SPIN1: variants seen among roughly 807,000 people sequenced by gnomAD.
The protein encoded by SPIN1 is spindlin-1.
Under a neutral mutation model 26.0 loss-of-function variants are expected in SPIN1, and 3 were observed. That is an observed-to-expected ratio of 0.12 (90% CI 0.05 to 0.30). The LOEUF is 0.30. Ranked by LOEUF, SPIN1 falls within the 10% of genes least tolerant of loss-of-function variation. The pLI, the probability that SPIN1 is intolerant of heterozygous loss-of-function variation, is 1.00. For missense variants in SPIN1, 126 were observed against 333.4 expected (o/e 0.38, Z 4.84); for synonymous variants, 101 against 116.5 (o/e 0.87, Z 0.86).
At chr9:88,419,729 T>C (rs1827636734) in intron 1 of SPIN1, among the ~76,000 whole-genome samples, 1 of 152,180 alleles carries the variant, frequency 6.6e-6, no homozygotes, top group Non-Finnish European at 1.5e-5. Flanking sequence ...AAAAATACTT[T>C]GCCATGTTCA....
intron 1 of SPIN1, among the ~76,000 whole-genome samples, chr9:88,390,674 C>T (rs1006889531): frequency 2.0e-5 from 3 of 152,244 alleles, no homozygotes; most frequent in Admixed American, 6.5e-5. Flanking sequence ...AGAGAATCAA[C>T]TATTTCGTGC....
chr9:88,454,346 A>G (rs796769788), intron 3 of SPIN1, among the ~76,000 whole-genome samples: 20 of 152,320 alleles, frequency 1.3e-4, no homozygotes, highest in African/African-American at 4.6e-4. Context: ...ACTTTTCTCT[A>G]TTTGGGATAT....
At chr9:88,408,499 G>C (rs74830016) in intron 1 of SPIN1, among the ~76,000 whole-genome samples, 28,639 of 147,868 alleles carry the variant, frequency 0.19, 3,596 homozygotes, top group African/African-American at 0.37. Flanking sequence ...GCCACAACCT[G>C]CCAAGTAGCT....
At chr9:88,406,500 G>A (rs1321222595) in intron 1 of SPIN1, among the ~76,000 whole-genome samples, 1 of 151,782 alleles carries the variant, frequency 6.6e-6, no homozygotes, top group Non-Finnish European at 1.5e-5. Flanking sequence ...CACCGTGTTA[G>A]CCAGCATGGT....
intron 1 of SPIN1, among the ~76,000 whole-genome samples, chr9:88,395,945 G>T (rs975878253): frequency 3.9e-5 from 6 of 152,030 alleles, no homozygotes; most frequent in African/African-American, 1.4e-4. Flanking sequence ...TACTCGGGAG[G>T]CTGAGGCAAG....
intron 1 of SPIN1, chr9:88,418,644 C>T (rs922445704): frequency 3.3e-5 from 5 of 152,154 alleles, no homozygotes; most frequent in African/African-American, 1.2e-4. Context: ...ACTCTGTTTC[C>T]TGAGAATTAC....
intron 1 of SPIN1, among the ~76,000 whole-genome samples, chr9:88,394,741 ATAAT>A (rs1483861771): frequency 6.7e-6 from 1 of 148,398 alleles, no homozygotes; most frequent in Non-Finnish European, 1.5e-5. Context: ...TATATGTTTG[ATAAT>A]TAATTTGGGT....
At position 88,458,572 on chromosome 9, in the gene SPIN1, G is replaced by A. The variant is rs552724921; in HGVS notation, c.102-3924G>A. On this transcript the variant is annotated intron_variant, in intron 3 of 5. Coordinates refer to ENST00000375859, the MANE Select transcript of SPIN1 (RefSeq NM_006717.3). ...TTACAGAGGAATGCTGCTAACAGGT[G>A]TGGGAGGGAGCAGCGACAACGAAAA... is the stretch of plus-strand genomic sequence containing the variant. Among the ~76,000 whole-genome samples the A allele has an allele frequency of 7.9e-5, 12 of 152,290 alleles. No individual in the cohort carries two copies. In the South Asian group the frequency reaches 2.5e-3, roughly 32 times the overall value.
chr9:88,393,843 G>A (rs1293635025), intron 1 of SPIN1, among the ~76,000 whole-genome samples: 1 of 151,376 alleles, frequency 6.6e-6, no homozygotes, highest in African/African-American at 2.4e-5. Context: ...TGTATCCAAT[G>A]TGTGTTTTTG....
chr9:88,445,129 T>C lies in SPIN1; in HGVS notation c.53-3812T>C, dbSNP rs192463611. 2.6e-3 allele frequency among the ~76,000 whole-genome samples: 403 copies of C among 152,316 alleles called. 2 individuals are homozygous for C. The highest frequency in any genetic ancestry group is 0.014 in the Middle Eastern group (4 of 294). ...ACTGAGTACATCCAGTGTGGGGTTG[T>C]GTGTAAGTTGGGGATTGAAAAGGGT... On this transcript the variant is annotated intron_variant, in intron 2 of 5. Transcript: ENST00000375859.
intron 2 of SPIN1, among the ~76,000 whole-genome samples, chr9:88,431,861 C>CTGT (rs1288004661): frequency 1.3e-5 from 2 of 151,942 alleles, no homozygotes; most frequent in African/African-American, 4.8e-5. Context: ...ACTGCCTGGG[C>CTGT]AACATGGTGA....
intron 4 of SPIN1, 66 bp downstream of exon 4, chr9:88,462,815 T>C: frequency 6.9e-7 from 1 of 1,457,382 alleles, no homozygotes; most frequent in Non-Finnish European, 9.2e-7. Flanking sequence ...ATGCTTTTTT[T>C]ATTTTACATT....
chr9:88,457,897 G>C, intron 3 of SPIN1: 1 of 984,898 alleles, frequency 1.0e-6, no homozygotes, highest in Non-Finnish European at 1.2e-6. Flanking sequence ...TACTAAGATA[G>C]TAGCAAAATG....
At chr9:88,401,620 C>T (rs1827188738) in intron 1 of SPIN1, among the ~76,000 whole-genome samples, 1 of 152,114 alleles carries the variant, frequency 6.6e-6, no homozygotes, top group Admixed American at 6.6e-5. Flanking sequence ...GGAATAACTA[C>T]AAGGAAAAAA....
intron 2 of SPIN1, among the ~76,000 whole-genome samples, chr9:88,445,561 T>C (rs1828234574): frequency 6.8e-6 from 1 of 147,300 alleles, no homozygotes; most frequent in African/African-American, 2.5e-5. Flanking sequence ...ATTATTATTA[T>C]TATATTGAGA....
At chr9:88,441,016 A>G (rs954592583) in intron 2 of SPIN1, among the ~76,000 whole-genome samples, 6 of 151,824 alleles carry the variant, frequency 4.0e-5, no homozygotes, top group Admixed American at 2.6e-4. Flanking sequence ...TATGACAATA[A>G]AATTTAGTTG....
intron 1 of SPIN1, among the ~76,000 whole-genome samples, chr9:88,405,568 A>C (rs921642026): frequency 2.3e-4 from 20 of 88,532 alleles, no homozygotes; most frequent in Non-Finnish European, 4.0e-4. Context: ...CCTGAGACAG[A>C]GTTTCGCTCT....
intron 2 of SPIN1, among the ~76,000 whole-genome samples, chr9:88,438,583 T>C (rs1432562609): frequency 6.6e-6 from 1 of 152,160 alleles, no homozygotes; most frequent in Non-Finnish European, 1.5e-5. Context: ...TTAGATTTGA[T>C]CTATAGTCAA....
At chr9:88,439,839 T>G (rs1382626321) in intron 2 of SPIN1, among the ~76,000 whole-genome samples, 1 of 152,228 alleles carries the variant, frequency 6.6e-6, no homozygotes, top group East Asian at 1.9e-4. Context: ...TATCTTTTCT[T>G]CATCCATTTA....
Sources: allele counts gnomAD v4.1 joint callset (sites outside exome capture counted in the v4.1 genomes callset), GRCh38; gene constraint gnomAD v4.1.1; transcripts MANE v1.5; gene names NCBI Gene and HGNC (gene_info 2026-07-23, HGNC 2026-07-21).